Variants in MMP16 observed in about 807,000 individuals in gnomAD.
The protein encoded by MMP16 is matrix metallopeptidase 16.
A neutral mutation model predicts 67.8 loss-of-function variants in MMP16; 12 were observed. That is an observed-to-expected ratio of 0.18 (90% CI 0.11 to 0.29). The LOEUF is 0.29. Ranked by LOEUF, MMP16 falls within the 10% of genes least tolerant of loss-of-function variation. The probability of loss-of-function intolerance (pLI) is 1.00; values close to 1 mark genes in which losing one functional copy is unlikely to be tolerated. For missense variants in MMP16, 475 were observed against 765.7 expected, an observed-to-expected ratio of 0.62 and a Z score of 4.48; for synonymous variants, 249 against 255.9, an observed-to-expected ratio of 0.97 and a Z score of 0.26.
chr8:88,215,196 G>A (rs1404956065), intron 1 of MMP16, among the ~76,000 whole-genome samples: 1 of 151,938 alleles, frequency 6.6e-6, no homozygotes, highest in African/African-American at 2.4e-5. Flanking sequence ...TGGGCGTGGT[G>A]GTGGGCACCT....
chr8:88,112,462 A>G lies in MMP16; in HGVS notation c.1083+4045T>C, dbSNP rs117252415. 8.1e-3 allele frequency among the ~76,000 whole-genome samples: 1,232 copies of G among 151,896 alleles called. 20 individuals carry two copies. Among genetic ancestry groups the G allele is most frequent in the Middle Eastern group, 0.068 (20 of 292 alleles). ...AATCAGATCTTGCTGTTGTCAGCTT[A>G]GTTACAACAGCTTACACTCTTCAAG... is the stretch of plus-strand genomic sequence containing the variant. On this transcript the variant is annotated intron_variant, in intron 6 of 9. Coordinates refer to ENST00000286614, the MANE Select transcript of MMP16 (RefSeq NM_005941.5).
chr8:88,130,759 CGTGTGTGTGTGTGTGTGT>C (rs112295025), intron 4 of MMP16, among the ~76,000 whole-genome samples: 1 of 146,632 alleles, frequency 6.8e-6, no homozygotes, highest in African/African-American at 2.5e-5. Flanking sequence ...TTGTGAAATA[CGTGTGTGTGTGTGTGTGT>C]GTGTGTGTGT....
At chr8:88,158,818 A>C (rs1808561462) in intron 4 of MMP16, among the ~76,000 whole-genome samples, 1 of 152,178 alleles carries the variant, frequency 6.6e-6, no homozygotes, top group South Asian at 2.1e-4. Context: ...TTAAGTCTTT[A>C]ATCCATCTTC....
chr8:88,173,835 T>C (rs1808843421), intron 3 of MMP16, among the ~76,000 whole-genome samples: 1 of 152,206 alleles, frequency 6.6e-6, no homozygotes, highest in African/African-American at 2.4e-5. Context: ...CATTAAATAT[T>C]TGGCTATTTC....
chr8:88,059,404 C>G (rs1808369102), intron 7 of MMP16, among the ~76,000 whole-genome samples: 1 of 152,034 alleles, frequency 6.6e-6, no homozygotes, highest in Non-Finnish European at 1.5e-5. Context: ...ATCTCTGATC[C>G]AAATATCTCT....
chr8:88,216,205 T>A (rs1809589547), intron 1 of MMP16, among the ~76,000 whole-genome samples: 1 of 152,144 alleles, frequency 6.6e-6, no homozygotes, highest in African/African-American at 2.4e-5. Flanking sequence ...TTACTGTGTT[T>A]TACAAAAGCA....
intron 1 of MMP16, among the ~76,000 whole-genome samples, chr8:88,256,045 T>C (rs1810295991): frequency 6.6e-6 from 1 of 152,204 alleles, no homozygotes; most frequent in Non-Finnish European, 1.5e-5. Flanking sequence ...GCACCTGGTG[T>C]CCCTGATCTT....
At chr8:88,124,791 G>C (rs913650224) in intron 4 of MMP16, among the ~76,000 whole-genome samples, 4 of 151,934 alleles carry the variant, frequency 2.6e-5, no homozygotes, top group African/African-American at 9.7e-5. Flanking sequence ...TAGTTCTGGA[G>C]GCCAGAAATC....
intron 1 of MMP16, among the ~76,000 whole-genome samples, chr8:88,209,302 A>G (rs1441742127): frequency 6.6e-6 from 1 of 152,160 alleles, no homozygotes; most frequent in African/African-American, 2.4e-5. Flanking sequence ...AGTGAAGATG[A>G]AGAGGACGAA....
intron 4 of MMP16, among the ~76,000 whole-genome samples, chr8:88,119,612 A>G (rs765016688): frequency 1.8e-4 from 27 of 152,010 alleles, no homozygotes; most frequent in Non-Finnish European, 3.7e-4. Context: ...CTCTGCAGAG[A>G]TATTTGGTGT....
intron 1 of MMP16, among the ~76,000 whole-genome samples, chr8:88,238,663 TAAAAAAAAA>T (rs34127125): frequency 1.0e-5 from 1 of 99,902 alleles, no homozygotes; most frequent in Non-Finnish European, 1.9e-5. Context: ...AAGACTCTGT[TAAAAAAAAA>T]AAAAAAAAAA....
intron 6 of MMP16, among the ~76,000 whole-genome samples, chr8:88,077,281 C>T (rs949479802): frequency 1.3e-5 from 2 of 152,146 alleles, no homozygotes; most frequent in Non-Finnish European, 2.9e-5. Flanking sequence ...AAACTCATGT[C>T]ATGGTTACTA....
chr8:88,141,574 T>C (rs923755490), intron 4 of MMP16, among the ~76,000 whole-genome samples: 8 of 152,190 alleles, frequency 5.3e-5, no homozygotes, highest in African/African-American at 1.9e-4. Flanking sequence ...TCCTCATCTG[T>C]AAAGTTAAGA....
chr8:88,163,998 C>CT (rs1268995055), intron 4 of MMP16, among the ~76,000 whole-genome samples: 3 of 151,960 alleles, frequency 2.0e-5, no homozygotes, highest in Non-Finnish European at 2.9e-5. Flanking sequence ...ACTTAATGGT[C>CT]TTTAGCTAGA....
intron 1 of MMP16, among the ~76,000 whole-genome samples, chr8:88,265,306 G>A (rs779462377): frequency 1.4e-5 from 2 of 144,334 alleles, no homozygotes; most frequent in Non-Finnish European, 3.0e-5. Context: ...CAGAAATGTG[G>A]TTTCCATCAT....
chr8:88,057,285 C>G (rs559324431), intron 7 of MMP16, among the ~76,000 whole-genome samples: 4 of 152,204 alleles, frequency 2.6e-5, no homozygotes, highest in African/African-American at 9.6e-5. Flanking sequence ...GTTCTCTGCT[C>G]TCCTCTTCTT....
At chr8:88,304,424 T>G (rs957852783) in intron 1 of MMP16, among the ~76,000 whole-genome samples, 3 of 152,020 alleles carry the variant, frequency 2.0e-5, no homozygotes, top group African/African-American at 7.3e-5. Flanking sequence ...AGGCCAACAT[T>G]CAAATTCAGG....
chr8:88,206,276 T>C (rs1176027969), intron 1 of MMP16, among the ~76,000 whole-genome samples: 1 of 152,172 alleles, frequency 6.6e-6, no homozygotes, highest in African/African-American at 2.4e-5. Flanking sequence ...AAACTGAAAC[T>C]ATATATAGAA....
intron 1 of MMP16, among the ~76,000 whole-genome samples, chr8:88,312,532 C>G (rs1045769246): frequency 6.6e-6 from 1 of 152,256 alleles, no homozygotes; most frequent in South Asian, 2.1e-4. Context: ...TTGACATACA[C>G]AGACCACCAC....
Sources: gnomAD v4.1 joint callset for allele counts (sites outside exome capture counted in the v4.1 genomes callset) on GRCh38, gnomAD v4.1.1 for gene constraint, MANE v1.5 for transcripts, NCBI Gene and HGNC (gene_info 2026-07-23, HGNC 2026-07-21) for gene names.